Variants in CAMKK1 observed in about 807,000 individuals in gnomAD.
CAMKK1 encodes calcium/calmodulin dependent protein kinase kinase 1.
Under a neutral mutation model 63.5 loss-of-function variants are expected in CAMKK1, and 20 were observed. The observed-to-expected ratio is 0.32, with a 90% CI of 0.22 to 0.46. CAMKK1 has a LOEUF of 0.46. Ranked by LOEUF, CAMKK1 falls within the 20% of genes least tolerant of loss-of-function variation. The probability of loss-of-function intolerance (pLI) is 1.00; values close to 1 mark genes in which losing one functional copy is unlikely to be tolerated. For missense variants in CAMKK1, 588 were observed against 658.1 expected, an observed-to-expected ratio of 0.89 and a Z score of 1.17; for synonymous variants, 253 against 269.0, an observed-to-expected ratio of 0.94 and a Z score of 0.58.
Position 3,876,312 on chromosome 17 carries a change from T to C in CAMKK1, c.907A>G (p.Asn303Asp). Residue 303 changes from asparagine to aspartate, a missense_variant, in exon 10 of 16, where the codon AAC becomes GAC. Asn to Asp is a conservative substitution (Grantham distance 23). Transcript: ENST00000348335. Reference sequence around the variant, plus strand: ...GCCGTGCTGGACAGCTGAGCGTCGTTCCCCTCAAACTGGTTGCTGACGCCA... The same window carrying C: ...GCCGTGCTGGACAGCTGAGCGTCGTCCCCCTCAAACTGGTTGCTGACGCCA... ...DFGVSNQFEG[N>D]DAQLSSTAGT... 6.2e-7 allele frequency: 1 copy of C among 1,614,128 alleles called. No homozygotes were observed. Among genetic ancestry groups the C allele is most frequent in the Non-Finnish European group, 8.5e-7 (1 of 1,180,028 alleles).
In CAMKK1 at chr17:3,889,137, C is replaced by G. The variant is rs139586605; in HGVS notation, c.-43-3407G>C. On this transcript the variant is annotated intron_variant, in intron 1 of 15. Coordinates refer to ENST00000348335, the MANE Select transcript of CAMKK1 (RefSeq NM_032294.3). This position sits in a 1 kb window ranked among gnomAD's most constrained non-coding sequence, Gnocchi z 5.2. ...TGGACTTTTCCCCATAGTCACTGGT[C>G]CCACCAGCCTGGCACTGCCTGCTGG... 1.3e-5 allele frequency among the ~76,000 whole-genome samples: 2 copies of G among 152,256 alleles called. No individual in the cohort carries two copies.
chr17:3,883,509 A>C lies in CAMKK1; in HGVS notation c.463-29T>G, dbSNP rs1327228242. 2 of 1,580,358 alleles carry C rather than the reference A, an allele frequency of 1.3e-6. No homozygotes were observed. The highest frequency in any genetic ancestry group is 2.7e-5 in the African/African-American group (2 of 74,446). On this transcript the variant is annotated intron_variant, in intron 4 of 15. Transcript: ENST00000348335. The surrounding 1 kb of genome is among the most constrained non-coding windows in gnomAD (Gnocchi z 4.7). Reference sequence around the variant, plus strand: ...AGGAAGGAGGGACAGAAATGTCACTACTGTGCAGCCACCAGGGGCTAGAAC... The same window carrying C: ...AGGAAGGAGGGACAGAAATGTCACTCCTGTGCAGCCACCAGGGGCTAGAAC...
chr17:3,866,641 A>G lies in CAMKK1; in HGVS notation c.1342-630T>C, dbSNP rs147195642. ...TCCATCCATCCCGTCAACACTGGTC[A>G]CCACTGGCTGCCTACTGGGTGCTGG... On this transcript the variant is annotated intron_variant, in intron 14 of 15. Transcript: ENST00000348335. Among the ~76,000 whole-genome samples, 222 of 151,860 alleles carry G rather than the reference A, an allele frequency of 1.5e-3. 1 individual carries two copies. Among genetic ancestry groups the G allele is most frequent in the African/African-American group, 5.1e-3 (210 of 41,418 alleles).
intron 14 of CAMKK1, among the ~76,000 whole-genome samples, chr17:3,866,801 C>T (rs1054448203): frequency 7.9e-5 from 12 of 152,238 alleles, no homozygotes; most frequent in African/African-American, 2.2e-4. Flanking sequence ...CTCACTGCAA[C>T]CTCTGCCTCC....
chr17:3,877,760 T>C (rs1029800), intron 9 of CAMKK1, among the ~76,000 whole-genome samples: 127,142 of 152,106 alleles, frequency 0.84, 53,289 homozygotes, highest in South Asian at 0.92. Flanking sequence ...GGGGGGTGGA[T>C]ATTTGACCAT....
intron 11 of CAMKK1, among the ~76,000 whole-genome samples, chr17:3,872,855 G>A (rs1057288398): frequency 2.8e-4 from 43 of 152,130 alleles, no homozygotes; most frequent in African/African-American, 9.4e-4. Flanking sequence ...ACTGCCACCC[G>A]CGGCCAGGCC....
intron 10 of CAMKK1, among the ~76,000 whole-genome samples, chr17:3,875,891 G>A (rs2055128294): frequency 6.6e-6 from 1 of 152,082 alleles, no homozygotes; most frequent in South Asian, 2.1e-4. Flanking sequence ...ATCCTGCCAT[G>A]TCCCAAGATC....
At chr17:3,881,516 C>G in intron 8 of CAMKK1, 111 bp downstream of exon 8, 4 of 1,062,418 alleles carry the variant, frequency 3.8e-6, no homozygotes, top group Non-Finnish European at 5.6e-6. Context: ...GGCAGGGCCT[C>G]CGTCTCTGAC....
chr17:3,865,650 G>C, intron 15 of CAMKK1: 2 of 1,347,998 alleles, frequency 1.5e-6, no homozygotes, highest in South Asian at 1.8e-5. Flanking sequence ...TGGAGGGGCT[G>C]CGTGAGCTCC....
Position 3,890,724 on chromosome 17 carries a change from A to G in CAMKK1, c.-44+2215T>C, listed in dbSNP as rs754479591. On this transcript the variant is annotated intron_variant, in intron 1 of 15. Coordinates refer to ENST00000348335, the MANE Select transcript of CAMKK1 (RefSeq NM_032294.3). This position sits in a 1 kb window ranked among gnomAD's most constrained non-coding sequence, Gnocchi z 6.5. Reference sequence around the variant, plus strand: ...CTGCAGCCACACCACAGCTTCCCAAATTGCATACTCTGTTCTGCTGCCAGG... The same window carrying G: ...CTGCAGCCACACCACAGCTTCCCAAGTTGCATACTCTGTTCTGCTGCCAGG... 6 of 779,438 alleles carry G rather than the reference A, an allele frequency of 7.7e-6. No individual in the cohort carries two copies. The Admixed American group carries it at 1.0e-4, about 13-fold the overall frequency. 48.3% of individuals were successfully genotyped at this position (779,438 alleles called of 1,614,324 possible). A position where few individuals can be genotyped will look rare whatever the true frequency, so the allele number is the denominator to read the frequency against.
chr17:3,871,584 CT>C (rs1555540525), intron 12 of CAMKK1, among the ~76,000 whole-genome samples: 2 of 149,898 alleles, frequency 1.3e-5, no homozygotes, highest in East Asian at 1.9e-4. Flanking sequence ...TCTCGATCTC[CT>C]GACCTCGTGA....
At chr17:3,888,913 CGTGTGT>C (rs55841323) in intron 1 of CAMKK1, among the ~76,000 whole-genome samples, 33 of 150,492 alleles carry the variant, frequency 2.2e-4, no homozygotes, top group Non-Finnish European at 4.3e-4. Flanking sequence ...AGGGTGGTGG[CGTGTGT>C]GTGTGTGTGT....
At chr17:3,865,044 G>C in intron 15 of CAMKK1, 1 of 845,282 alleles carries the variant, frequency 1.2e-6, no homozygotes, top group Non-Finnish European at 1.4e-6. Flanking sequence ...CTTCCCCAAA[G>C]CTTCCCTCCG....
rs1213140745 is a variant in CAMKK1 at position 3,865,892 on chromosome 17, GC to G, written c.1445+15del. On this transcript the variant is annotated intron_variant, in intron 15 of 15. Coordinates refer to ENST00000348335, the MANE Select transcript of CAMKK1 (RefSeq NM_032294.3). ...TCCAGGGAGTGCCCGGCAGTCCCTG[GC>G]CCACCAGTACTTACACCAGTAGGTT... 1 of 1,613,932 alleles carries G rather than the reference GC, an allele frequency of 6.2e-7. No homozygotes were observed. Among genetic ancestry groups the G allele is most frequent in the Admixed American group, 1.7e-5 (1 of 60,008 alleles).
chr17:3,865,712 G>A (rs765306902), intron 15 of CAMKK1, 196 bp downstream of exon 15: 2 of 1,421,166 alleles, frequency 1.4e-6, no homozygotes, highest in African/African-American at 2.9e-5. Context: ...AATGAAGCAA[G>A]AGCTGGGCCC....
chr17:3,880,613 A>G (rs1243499148), intron 8 of CAMKK1, among the ~76,000 whole-genome samples, 179 bp from the exon 9 acceptor site: 1 of 152,192 alleles, frequency 6.6e-6, no homozygotes, highest in East Asian at 1.9e-4. Context: ...TCCCATTTCA[A>G]TCATAATTTC....
intron 15 of CAMKK1, among the ~76,000 whole-genome samples, chr17:3,863,493 C>A (rs545830247): frequency 1.3e-5 from 2 of 151,910 alleles, no homozygotes; most frequent in African/African-American, 4.8e-5. Flanking sequence ...AGTGAAACTC[C>A]ATCTCAAAAC....
At chr17:3,877,355 C>G (rs1390391996) in intron 9 of CAMKK1, among the ~76,000 whole-genome samples, 1 of 152,106 alleles carries the variant, frequency 6.6e-6, no homozygotes, top group Non-Finnish European at 1.5e-5. Flanking sequence ...AGGACGAATC[C>G]CAAATCAGAA....
In CAMKK1 at chr17:3,882,912, C is replaced by A; in HGVS notation, c.648+130G>T. On this transcript the variant is annotated intron_variant, in intron 6 of 15. Coordinates refer to ENST00000348335, the MANE Select transcript of CAMKK1 (RefSeq NM_032294.3). The surrounding 1 kb of genome is among the most constrained non-coding windows in gnomAD (Gnocchi z 4.3). ...AGCCCCACCCCAAGTCTGGCCCTGT[C>A]CTCAGAGGCCTCAGCCACATCTGCC... 1 of 1,236,576 alleles carries A rather than the reference C, an allele frequency of 8.1e-7. No individual in the cohort carries two copies. The highest frequency in any genetic ancestry group is 1.1e-6 in the Non-Finnish European group (1 of 888,696). The allele number at this position is 1,236,576 out of a possible 1,614,324, so 76.6% of individuals were successfully genotyped here.
Sources: allele counts gnomAD v4.1 joint callset (sites outside exome capture counted in the v4.1 genomes callset), GRCh38; gene constraint gnomAD v4.1.1; non-coding constraint Gnocchi (gnomAD v3.1); transcripts MANE v1.5; gene names NCBI Gene and HGNC (gene_info 2026-07-23, HGNC 2026-07-21).